SLC8A1: variants seen among roughly 807,000 people sequenced by gnomAD.
SLC8A1 encodes the protein sodium/calcium exchanger 1.
Under a neutral mutation model 68.3 loss-of-function variants are expected in SLC8A1, and 18 were observed. The observed-to-expected ratio is 0.26, with a 90% confidence interval of 0.18 to 0.39. The LOEUF is 0.39. Ranked by LOEUF, SLC8A1 falls within the 10% of genes least tolerant of loss-of-function variation. The pLI is 1.00. For missense variants in SLC8A1, 985 were observed against 1,156.7 expected, an observed-to-expected ratio of 0.85 and a Z score of 2.15; for synonymous variants, 475 against 415.5, an observed-to-expected ratio of 1.14 and a Z score of -1.74.
At chr2:40,390,213 A>G (rs1684849681) in intron 2 of SLC8A1, among the ~76,000 whole-genome samples, 1 of 152,142 alleles carries the variant, frequency 6.6e-6, no homozygotes, top group African/African-American at 2.4e-5. Context: ...AGATTCACCT[A>G]TCGTTTCCCG....
intron 2 of SLC8A1, among the ~76,000 whole-genome samples, chr2:40,264,400 C>T (rs964433367): frequency 3.3e-5 from 5 of 151,696 alleles, no homozygotes; most frequent in African/African-American, 7.3e-5. Context: ...CACATGCACA[C>T]GTATGTTTAT....
At chr2:40,327,424 C>T (rs1252732100) in intron 2 of SLC8A1, among the ~76,000 whole-genome samples, 1 of 152,174 alleles carries the variant, frequency 6.6e-6, no homozygotes, top group African/African-American at 2.4e-5. Flanking sequence ...AAGGAAATAA[C>T]TGTTTCATGA....
chr2:40,506,573 A>G (rs1300762841), intron 1 of SLC8A1, among the ~76,000 whole-genome samples: 2 of 151,904 alleles, frequency 1.3e-5, no homozygotes, highest in East Asian at 1.9e-4. Context: ...GTATAATTGT[A>G]TAAATTACTC....
intron 2 of SLC8A1, among the ~76,000 whole-genome samples, chr2:40,282,231 T>C (rs1276884144): frequency 6.6e-6 from 1 of 152,180 alleles, no homozygotes; most frequent in Non-Finnish European, 1.5e-5. Context: ...AAACATTCTG[T>C]AAATCCTTAA....
intron 2 of SLC8A1, among the ~76,000 whole-genome samples, chr2:40,346,577 C>T (rs1194932696): frequency 6.6e-6 from 1 of 152,032 alleles, no homozygotes; most frequent in Non-Finnish European, 1.5e-5. Context: ...AGGTTTTACT[C>T]TATTCCACAA....
intron 2 of SLC8A1, among the ~76,000 whole-genome samples, chr2:40,414,850 A>C (rs1288397092): frequency 1.3e-5 from 2 of 152,216 alleles, no homozygotes; most frequent in African/African-American, 2.4e-5. Context: ...CACCTTGAAA[A>C]AAATACTATT....
chr2:40,138,850 T>C (rs761948581), intron 7 of SLC8A1, among the ~76,000 whole-genome samples: 4 of 152,206 alleles, frequency 2.6e-5, no homozygotes, highest in Non-Finnish European at 5.9e-5. Flanking sequence ...TCATGAAATA[T>C]ACATTTGGCC....
At chr2:40,153,357 G>A (rs988732297) in intron 6 of SLC8A1, among the ~76,000 whole-genome samples, 1 of 152,086 alleles carries the variant, frequency 6.6e-6, no homozygotes, top group Admixed American at 6.5e-5. Context: ...ATAACTAATT[G>A]GTGGCTGCAC....
intron 2 of SLC8A1, among the ~76,000 whole-genome samples, chr2:40,398,968 A>G (rs1027688723): frequency 6.6e-6 from 1 of 152,232 alleles, no homozygotes; most frequent in Non-Finnish European, 1.5e-5. Flanking sequence ...TATATTTGAC[A>G]AAACATTTTG....
chr2:40,118,091 G>A (rs974688589), intron 7 of SLC8A1, among the ~76,000 whole-genome samples: 2 of 152,152 alleles, frequency 1.3e-5, no homozygotes, highest in East Asian at 3.9e-4. Context: ...TGCTACACAG[G>A]CAACGTGTGT....
intron 2 of SLC8A1, among the ~76,000 whole-genome samples, chr2:40,369,277 C>G (rs1314596977): frequency 6.6e-6 from 1 of 152,080 alleles, no homozygotes; most frequent in African/African-American, 2.4e-5. Context: ...AAAATTTTTG[C>G]AAACTATTAT....
chr2:40,489,546 T>C (rs1231648517), intron 1 of SLC8A1, among the ~76,000 whole-genome samples: 1 of 152,158 alleles, frequency 6.6e-6, no homozygotes, highest in Non-Finnish European at 1.5e-5. Flanking sequence ...AACGCAGTTC[T>C]TCCCAGCTGG....
chr2:40,475,687 A>T (rs1387379468), intron 1 of SLC8A1, among the ~76,000 whole-genome samples: 1 of 152,108 alleles, frequency 6.6e-6, no homozygotes, highest in Non-Finnish European at 1.5e-5. Flanking sequence ...TAAATACATA[A>T]ATACATATTT....
chr2:40,127,099 T>C (rs150255556), intron 7 of SLC8A1, among the ~76,000 whole-genome samples: 101 of 152,336 alleles, frequency 6.6e-4, no homozygotes, highest in African/African-American at 2.2e-3. Context: ...GAATGCCACA[T>C]TGCTTCAGAG....
intron 6 of SLC8A1, among the ~76,000 whole-genome samples, chr2:40,149,406 G>A (rs530810257): frequency 6.6e-6 from 1 of 152,188 alleles, no homozygotes; most frequent in Non-Finnish European, 1.5e-5. Context: ...ATACTGATAT[G>A]AGTTATGAAT....
At chr2:40,378,522 G>A (rs141063529) in intron 2 of SLC8A1, among the ~76,000 whole-genome samples, 1 of 152,136 alleles carries the variant, frequency 6.6e-6, no homozygotes, top group South Asian at 2.1e-4. Flanking sequence ...TCAGTGAAGT[G>A]CGAAGCTAGT....
chr2:40,273,252 C>CTT lies in SLC8A1; in HGVS notation c.1809-95399_1809-95398dup, dbSNP rs541362631. Among the ~76,000 whole-genome samples the CTT allele has an allele frequency of 8.7e-4, 126 of 144,472 alleles. 1 individual carries two copies. Among genetic ancestry groups the CTT allele is most frequent in the Non-Finnish European group, 1.4e-3 (94 of 65,406 alleles). 94.8% of individuals were successfully genotyped at this position (144,472 alleles called of 152,430 possible). On this transcript the variant is annotated intron_variant, in intron 2 of 7. Transcript: ENST00000406785. ...CACCATGCCTGGCCCTCCAAATACT[C>CTT]TTTTTTTTTTTTGTATTTTTAGTAG...
chr2:40,219,224 G>A (rs552611921), intron 2 of SLC8A1, among the ~76,000 whole-genome samples: 1 of 152,286 alleles, frequency 6.6e-6, no homozygotes, highest in Non-Finnish European at 1.5e-5. Context: ...AGAAACCATT[G>A]AGAACAAGGA....
intron 2 of SLC8A1, among the ~76,000 whole-genome samples, chr2:40,237,917 G>A (rs190306891): frequency 1.6e-4 from 21 of 134,594 alleles, no homozygotes; most frequent in East Asian, 1.2e-3. Flanking sequence ...TAGGCTGCTC[G>A]GGGGTCAGGG....
Sources: allele counts gnomAD v4.1 joint callset (sites outside exome capture counted in the v4.1 genomes callset), GRCh38; gene constraint gnomAD v4.1.1; transcripts MANE v1.5; gene names NCBI Gene and HGNC (gene_info 2026-07-23, HGNC 2026-07-21).